Variants in LAMB3 observed in about 807,000 individuals in gnomAD.
LAMB3 encodes laminin subunit beta 3, also known as laminin subunit beta-3.
Under a neutral mutation model 140.3 loss-of-function variants are expected in LAMB3, and 104 were observed. The observed-to-expected ratio is 0.74, with a 90% CI of 0.63 to 0.87. The LOEUF is 0.87. Among genes scored for constraint, LAMB3 ranks in the 40% least tolerant of loss-of-function variants. LAMB3 has a pLI of 0.00. For synonymous variants in LAMB3, 592 were observed against 602.9 expected, an observed-to-expected ratio of 0.98 and a Z score of 0.26; for missense variants, 1,531 against 1,575.2, an observed-to-expected ratio of 0.97 and a Z score of 0.47.
rs750850607 is a variant in LAMB3, at chr1:209,623,867, C to G, written c.2110G>C (p.Glu704Gln). 9 of 1,614,186 alleles carry G rather than the reference C, an allele frequency of 5.6e-6. 1 individual carries two copies. In the South Asian group the frequency reaches 9.9e-5, roughly 18 times the overall value. ...TMYQRKREQFEKISSADPSGA... is the reference protein window; with the variant it reads ...TMYQRKREQFQKISSADPSGA... ...GAAGGATCAGCACTGCTTATTTTTTCAAACTGCTCCCTCTTCCTCTGATAC... is the reference window on the plus strand; with the variant it reads ...GAAGGATCAGCACTGCTTATTTTTTGAAACTGCTCCCTCTTCCTCTGATAC... Residue 704 changes from glutamate (E) to glutamine (Q), a missense_variant, in exon 15 of 23, where the codon GAA becomes CAA. By Grantham distance (29) the Glu-to-Gln change is conservative. Coordinates refer to ENST00000356082, the MANE Select transcript of LAMB3 (RefSeq NM_000228.3). This position sits in a 1 kb window ranked among gnomAD's most constrained non-coding sequence, Gnocchi z 4.2.
At chr1:209,625,619 G>A (rs777218234) in intron 14 of LAMB3, 29 bp downstream of exon 14, 2 of 1,613,844 alleles carry the variant, frequency 1.2e-6, no homozygotes, top group South Asian at 1.1e-5. Flanking sequence ...CATAATTCTT[G>A]CAAATGCTTG....
chr1:209,649,996 T>C lies in LAMB3; in HGVS notation c.151A>G (p.Lys51Glu). Residue 51 changes from lysine to glutamate, a missense_variant, in exon 3 of 23, where the codon AAG becomes GAG. Physicochemically the swap from Lys to Glu is moderately conservative, Grantham distance 56. Coordinates refer to ENST00000356082, the MANE Select transcript of LAMB3 (RefSeq NM_000228.3). ...LRASSTCGLT[K>E]PETYCTQYGE... is the part of the protein sequence containing the mutation. ...TACTGGGTGCAGTAGGTCTCAGGCTTGGTCAGTCCACAGGTAGATGAAGCT... is the reference window on the plus strand; with the variant it reads ...TACTGGGTGCAGTAGGTCTCAGGCTCGGTCAGTCCACAGGTAGATGAAGCT... 6.2e-7 allele frequency: 1 copy of C among 1,614,188 alleles called. No individual in the cohort carries two copies. Among genetic ancestry groups the C allele is most frequent in the Non-Finnish European group, 8.5e-7 (1 of 1,180,034 alleles).
chr1:209,651,658 G>A (rs1232188701), intron 1 of LAMB3, among the ~76,000 whole-genome samples: 1 of 152,196 alleles, frequency 6.6e-6, no homozygotes, highest in African/African-American at 2.4e-5. Flanking sequence ...CAAGAGGGGT[G>A]GGGCTGGGAG....
At chr1:209,638,674 C>T (rs747636272) in intron 3 of LAMB3, 26 bp from the exon 4 acceptor site, 2 of 1,488,566 alleles carry the variant, frequency 1.3e-6, no homozygotes, top group Admixed American at 3.4e-5. Flanking sequence ...ATAGCAGACA[C>T]TCAGAGGTGG....
chr1:209,621,101 T>A lies in LAMB3; in HGVS notation c.2701+1435A>T, dbSNP rs1259601712. On this transcript the variant is annotated intron_variant, in intron 18 of 22. Coordinates refer to ENST00000356082, the MANE Select transcript of LAMB3 (RefSeq NM_000228.3). ...GAGAGGACAAAAGGGGCCTGGCAGC[T>A]CCCTGTCTGTTCACATGAGCCTCAG... 9.2e-5 allele frequency among the ~76,000 whole-genome samples: 14 copies of A among 152,182 alleles called. 1 individual carries two copies. The highest frequency in any genetic ancestry group is 9.2e-4 in the Admixed American group (14 of 15,268).
intron 14 of LAMB3, among the ~76,000 whole-genome samples, chr1:209,624,976 AGAAG>A (rs57166402): frequency 0.032 from 4,733 of 149,784 alleles, 266 homozygotes; most frequent in East Asian, 0.26. Context: ...AAGAAGGAAA[AGAAG>A]GAAGGAAGGA....
Position 209,623,564 on chromosome 1 carries a change from G to C in LAMB3, c.2299C>G (p.Leu767Val), listed in dbSNP as rs1558151305. ...GGGGGTGSPK[L>V]VALRLEMSSL... ...GACATCTCCAGCCTCAGGGCCACAA[G>C]CTTGGGGCTGCCGGTGCCTCCTCCT... Residue 767 changes from leucine (L) to valine (V), a missense_variant, in exon 16 of 23, where the codon CTT becomes GTT. By Grantham distance (32) the Leu-to-Val change is conservative. Transcript: ENST00000356082. This position sits in a 1 kb window ranked among gnomAD's most constrained non-coding sequence, Gnocchi z 4.2. 6.2e-7 allele frequency: 1 copy of C among 1,614,220 alleles called. No homozygotes were observed. The highest frequency in any genetic ancestry group is 8.5e-7 in the Non-Finnish European group (1 of 1,180,036).
At chr1:209,650,170 C>A (rs1201119977) in intron 2 of LAMB3, 52 bp from the exon 3 acceptor site, 1 of 1,552,298 alleles carries the variant, frequency 6.4e-7, no homozygotes, top group South Asian at 1.2e-5. Flanking sequence ...AGGGACCTCA[C>A]TGGCCACCCC....
Position 209,634,633 on chromosome 1 carries a change from G to A in LAMB3, c.378C>T (p.Pro126=). The stretch of plus-strand genomic sequence containing the variant: ...GCTCAATCAGCATGCCGGCGGGCAT[G>A]GGCCCCTGTGGAGACAGGGGCAGTG... The part of the protein sequence containing the change: ...LQEVMMEFQG[P]MPAGMLIERS... Residue 126 remains proline (P), a synonymous_variant, in exon 6 of 23, where the codon CCC becomes CCT. Coordinates refer to ENST00000356082, the MANE Select transcript of LAMB3 (RefSeq NM_000228.3). The A allele has an allele frequency of 1.2e-6, 2 of 1,612,690 alleles. No individual in the cohort carries two copies. Among genetic ancestry groups the A allele is most frequent in the Non-Finnish European group, 1.7e-6 (2 of 1,179,396 alleles).
At chr1:209,619,418 T>C (rs1318736126) in intron 18 of LAMB3, among the ~76,000 whole-genome samples, 2 of 152,200 alleles carry the variant, frequency 1.3e-5, no homozygotes, top group Non-Finnish European at 2.9e-5. Flanking sequence ...CTCATGTGCG[T>C]AGAGTGAATG....
At chr1:209,632,493 G>T in intron 8 of LAMB3, 90 bp downstream of exon 8, 1 of 1,000,620 alleles carries the variant, frequency 1.0e-6, no homozygotes, top group Non-Finnish European at 1.5e-6. Flanking sequence ...TAGATTTAGT[G>T]CCCTTCCTGC....
chr1:209,622,605 G>C lies in LAMB3; in HGVS notation c.2632C>G (p.Arg878Gly). ...QRLETQVSASRSQMEEDVRRT... is the reference protein window; with the variant it reads ...QRLETQVSASGSQMEEDVRRT... ...CTGACATCTTCCTCCATCTGGGAGCGGCTGGCGCTCACCTGGGTCTCCAAG... is the reference window on the plus strand; with the variant it reads ...CTGACATCTTCCTCCATCTGGGAGCCGCTGGCGCTCACCTGGGTCTCCAAG... The change falls in exon 18 of 23, where the codon CGC (arginine) becomes GGC (glycine). Residue 878 changes from arginine (R) to glycine (G), a missense_variant. By Grantham distance (125) the Arg-to-Gly change is moderately radical (BLOSUM62 -2). Transcript: ENST00000356082. 1.2e-6 allele frequency: 2 copies of C among 1,614,140 alleles called. No individual in the cohort carries two copies. Among genetic ancestry groups the C allele is most frequent in the Non-Finnish European group, 1.7e-6 (2 of 1,180,032 alleles).
chr1:209,624,880 GAGGA>G (rs397962425), intron 14 of LAMB3, among the ~76,000 whole-genome samples: 15,827 of 100,646 alleles, frequency 0.16, 1,304 homozygotes, highest in African/African-American at 0.2. Flanking sequence ...GAAAGAGAGA[GAGGA>G]AGGAAGGAAG....
intron 2 of LAMB3, 40 bp from the exon 3 acceptor site, chr1:209,650,158 A>G: frequency 6.3e-7 from 1 of 1,590,718 alleles, no homozygotes; most frequent in South Asian, 1.1e-5. Flanking sequence ...GTCCAGAAAA[A>G]AAGGGACCTC....
chr1:209,628,360 A>T (rs148598305), intron 10 of LAMB3, among the ~76,000 whole-genome samples, 170 bp from the exon 11 acceptor site: 1 of 152,222 alleles, frequency 6.6e-6, no homozygotes, highest in South Asian at 2.1e-4. Context: ...TTGTCTATAA[A>T]ATAAAAATAA....
intron 3 of LAMB3, among the ~76,000 whole-genome samples, chr1:209,646,860 G>A (rs1020277465): frequency 6.6e-6 from 1 of 152,232 alleles, no homozygotes; most frequent in African/African-American, 2.4e-5. Context: ...GAGGCCAACG[G>A]ATAGCACAGA....
chr1:209,634,394 G>A, intron 6 of LAMB3, 53 bp downstream of exon 6: 1 of 1,546,430 alleles, frequency 6.5e-7, no homozygotes, highest in Admixed American at 1.7e-5. Flanking sequence ...TGTGAACAGT[G>A]GGACATCAGG....
At chr1:209,645,353 A>G (rs2076506813) in intron 3 of LAMB3, among the ~76,000 whole-genome samples, 1 of 152,190 alleles carries the variant, frequency 6.6e-6, no homozygotes, top group South Asian at 2.1e-4. Context: ...TGCTTCATCC[A>G]AAACAGTAAA....
rs555155357 is a variant in LAMB3 at position 209,625,986 on chromosome 1, G to C, written c.1638C>G (p.Cys546Trp). The change falls in exon 14 of 23, where the codon TGC becomes TGG. Residue 546 changes from cysteine (C) to tryptophan (W), a missense_variant. Cys to Trp is a radical substitution (Grantham distance 215, BLOSUM62 -2). Transcript: ENST00000356082. ...AGAGGCAGCGGCCTGATGCCTTGTCGCAGCCCGGGCCCTCTGTTCCCCGGA... is the reference window on the plus strand; with the variant it reads ...AGAGGCAGCGGCCTGATGCCTTGTCCCAGCCCGGGCCCTCTGTTCCCCGGA... ...CDFRGTEGPG[C>W]DKASGRCLCR... is the part of the protein sequence containing the mutation. 2 of 1,613,392 alleles carry C rather than the reference G, an allele frequency of 1.2e-6. No homozygotes were observed. The highest frequency in any genetic ancestry group is 1.7e-5 in the Admixed American group (1 of 59,994).
Sources: gnomAD v4.1 joint callset for allele counts (sites outside exome capture counted in the v4.1 genomes callset) on GRCh38, gnomAD v4.1.1 for gene constraint, Gnocchi (gnomAD v3.1) non-coding constraint, MANE v1.5 for transcripts, NCBI Gene and HGNC (gene_info 2026-07-23, HGNC 2026-07-21) for gene names.